MTUS2: variants seen among roughly 807,000 people sequenced by gnomAD.
The protein encoded by MTUS2 is microtubule-associated tumor suppressor candidate 2.
Under a neutral mutation model 114.1 loss-of-function variants are expected in MTUS2, and 40 were observed. The observed-to-expected ratio is 0.35, with a 90% CI of 0.27 to 0.46. The LOEUF (loss-of-function observed/expected upper bound fraction) is 0.46. MTUS2 is among the 20% of genes least tolerant of loss of function. The pLI, the probability that MTUS2 is intolerant of heterozygous loss-of-function variation, is 1.00. For synonymous variants in MTUS2, 688 were observed against 672.0 expected, an observed-to-expected ratio of 1.02 and a Z score of -0.37; for missense variants, 1,679 against 1,705.4, an observed-to-expected ratio of 0.98 and a Z score of 0.27.
intron 2 of MTUS2, among the ~76,000 whole-genome samples, chr13:28,916,098 A>C (rs1013079693): frequency 1.3e-5 from 2 of 151,834 alleles, no homozygotes; most frequent in Non-Finnish European, 3.0e-5. Flanking sequence ...TGTGAAAATG[A>C]GTTCGCTGTA....
intron 5 of MTUS2, among the ~76,000 whole-genome samples, chr13:29,155,821 CAT>C (rs530525189): frequency 5.3e-4 from 80 of 152,094 alleles, no homozygotes; most frequent in East Asian, 1.9e-3. Flanking sequence ...TACATACACA[CAT>C]GTCTCTGATT....
At chr13:28,926,550 C>T (rs571979436) in intron 2 of MTUS2, among the ~76,000 whole-genome samples, 3 of 152,164 alleles carry the variant, frequency 2.0e-5, no homozygotes, top group East Asian at 1.9e-4. Flanking sequence ...TTCCCCGTCA[C>T]GTTTTAATCA....
chr13:29,357,694 G>C (rs1247696219), intron 7 of MTUS2, among the ~76,000 whole-genome samples: 5 of 152,176 alleles, frequency 3.3e-5, no homozygotes, highest in African/African-American at 1.2e-4. Flanking sequence ...AAGCAAGTGA[G>C]TTTTCTGGAA....
At chr13:29,194,795 T>G (rs78703806) in intron 5 of MTUS2, among the ~76,000 whole-genome samples, 2 of 151,932 alleles carry the variant, frequency 1.3e-5, no homozygotes, top group Non-Finnish European at 2.9e-5. Flanking sequence ...CACATGCACA[T>G]GCATGTTTAT....
intron 2 of MTUS2, among the ~76,000 whole-genome samples, chr13:28,883,926 C>T (rs962670752): frequency 3.9e-5 from 6 of 152,094 alleles, no homozygotes; most frequent in Admixed American, 6.6e-5. Context: ...TTGGAACTCA[C>T]GTGCATTGGC....
intron 2 of MTUS2, among the ~76,000 whole-genome samples, chr13:28,894,635 T>G (rs1470580226): frequency 6.6e-6 from 1 of 152,248 alleles, no homozygotes; most frequent in Non-Finnish European, 1.5e-5. Context: ...TAAGGTCATG[T>G]GTTTATTACA....
intron 6 of MTUS2, chr13:29,307,075 A>G (rs1899504122): frequency 6.2e-6 from 3 of 486,436 alleles, no homozygotes; most frequent in Non-Finnish European, 1.2e-5. Flanking sequence ...GGAGTCCACC[A>G]GCATCTTCAC....
chr13:28,865,248 A>G (rs1276362910), intron 2 of MTUS2, among the ~76,000 whole-genome samples: 1 of 152,094 alleles, frequency 6.6e-6, no homozygotes, highest in East Asian at 1.9e-4. Flanking sequence ...CTGTGTCTCT[A>G]ATAAGCACTG....
chr13:29,229,547 T>G (rs1896243399), intron 5 of MTUS2, among the ~76,000 whole-genome samples: 1 of 152,224 alleles, frequency 6.6e-6, no homozygotes, highest in Non-Finnish European at 1.5e-5. Context: ...AATCCTGTAG[T>G]TAAATTTGGA....
intron 4 of MTUS2, among the ~76,000 whole-genome samples, chr13:29,055,366 A>G (rs1200850826): frequency 6.6e-6 from 1 of 151,956 alleles, no homozygotes; most frequent in Admixed American, 6.6e-5. Context: ...TTTTGCCTTT[A>G]ATTTTAATTT....
chr13:29,358,132 A>C (rs1172100777), intron 7 of MTUS2, among the ~76,000 whole-genome samples: 1 of 152,120 alleles, frequency 6.6e-6, no homozygotes, highest in Admixed American at 6.5e-5. Context: ...AGTGTAATCT[A>C]CTAGAGTGAA....
At chr13:28,965,513 G>A (rs762809376) in intron 2 of MTUS2, among the ~76,000 whole-genome samples, 1 of 152,180 alleles carries the variant, frequency 6.6e-6, no homozygotes, top group South Asian at 2.1e-4. Flanking sequence ...GTGCCTGAGC[G>A]ATTGGTTGTA....
rs1045091482 is a variant in MTUS2 at position 28,854,321 on chromosome 13, T to C, written c.-243+14471T>C. ...CCACAAGAAATTGTGGAACTAAAGA[T>C]GTCTGATTTTTACTTCTAGTTATGT... On this transcript the variant is annotated intron_variant, in intron 2 of 15. Coordinates refer to ENST00000612955, the MANE Select transcript of MTUS2 (RefSeq NM_001033602.4). Among the ~76,000 whole-genome samples the C allele has an allele frequency of 1.1e-4, 17 of 152,198 alleles. 1 individual carries two copies. Among genetic ancestry groups the C allele is most frequent in the African/African-American group, 3.4e-4 (14 of 41,456 alleles).
intron 5 of MTUS2, among the ~76,000 whole-genome samples, chr13:29,136,818 T>G (rs921640051): frequency 6.6e-6 from 1 of 152,252 alleles, no homozygotes; most frequent in African/African-American, 2.4e-5. Flanking sequence ...CCAAGGAGGA[T>G]ATCATGAACC....
chr13:29,257,595 T>G (rs73451238), intron 5 of MTUS2, among the ~76,000 whole-genome samples: 30,673 of 152,114 alleles, frequency 0.2, 3,629 homozygotes, highest in South Asian at 0.28. Context: ...TTGGATTTTA[T>G]TTTATAAGAG....
At chr13:29,341,879 T>C (rs1049109200) in intron 7 of MTUS2, among the ~76,000 whole-genome samples, 10 of 152,172 alleles carry the variant, frequency 6.6e-5, no homozygotes, top group Non-Finnish European at 1.0e-4. Flanking sequence ...GCTTGCCAAT[T>C]ATCTCAGCAC....
intron 5 of MTUS2, chr13:29,242,755 A>G (rs913851565): frequency 6.6e-6 from 1 of 152,250 alleles, no homozygotes; most frequent in Non-Finnish European, 1.5e-5. Flanking sequence ...CTTATAGTCT[A>G]ATAACAACAG....
intron 7 of MTUS2, among the ~76,000 whole-genome samples, chr13:29,340,690 G>A (rs1901348672): frequency 6.6e-6 from 1 of 152,156 alleles, no homozygotes; most frequent in Non-Finnish European, 1.5e-5. Context: ...GAAAGGTGAT[G>A]TTTGGTTATA....
At chr13:29,320,529 G>A (rs891245311) in intron 6 of MTUS2, among the ~76,000 whole-genome samples, 8 of 152,226 alleles carry the variant, frequency 5.3e-5, no homozygotes, top group South Asian at 2.1e-4. Flanking sequence ...CTCAGCCTCC[G>A]TGAACAGCAC....
Sources: gnomAD v4.1 joint callset for allele counts (sites outside exome capture counted in the v4.1 genomes callset) on GRCh38, gnomAD v4.1.1 for gene constraint, MANE v1.5 for transcripts, NCBI Gene and HGNC (gene_info 2026-07-23, HGNC 2026-07-21) for gene names.